The following FSTL5 variants were observed in gnomAD, a reference collection of about 807,000 sequenced individuals.
The protein encoded by FSTL5 is follistatin-related protein 5.
In FSTL5, 62 loss-of-function variants were observed where a neutral mutation model predicts 89.1. The observed-to-expected ratio is 0.70, with a 90% CI of 0.57 to 0.86. The LOEUF is 0.86. FSTL5 is among the 40% of genes least tolerant of loss of function. The probability of loss-of-function intolerance (pLI) is 0.00; values close to 1 mark genes in which losing one functional copy is unlikely to be tolerated. For missense variants in FSTL5, 1,057 were observed against 1,001.6 expected, an observed-to-expected ratio of 1.06 and a Z score of -0.75; for synonymous variants, 383 against 346.2, an observed-to-expected ratio of 1.11 and a Z score of -1.18.
chr4:161,528,888 G>A lies in FSTL5; in HGVS notation c.1312+9278C>T, dbSNP rs578141981. ...CATATTTTTAAGTTCAATAGAGACT[G>A]TATACTCAGCACTGTCACTATATGT... On this transcript the variant is annotated intron_variant, in intron 10 of 15. Coordinates refer to ENST00000306100, the MANE Select transcript of FSTL5 (RefSeq NM_020116.5). 5.6e-5 allele frequency among the ~76,000 whole-genome samples: 8 copies of A among 142,952 alleles called. 3 individuals carry two copies. Among genetic ancestry groups the A allele is most frequent in the African/African-American group, 2.0e-4 (8 of 40,036 alleles). 93.8% of individuals were successfully genotyped at this position (142,952 alleles called of 152,430 possible).
intron 3 of FSTL5, among the ~76,000 whole-genome samples, chr4:162,017,900 T>A (rs187782139): frequency 5.6e-4 from 86 of 152,264 alleles, no homozygotes; most frequent in African/African-American, 1.9e-3. Context: ...GTCCAACTCA[T>A]TATACCTTCT....
intron 3 of FSTL5, among the ~76,000 whole-genome samples, chr4:161,959,332 G>A (rs1735110092): frequency 6.6e-6 from 1 of 151,900 alleles, no homozygotes; most frequent in African/African-American, 2.4e-5. Flanking sequence ...CTTAACATAG[G>A]TATAACATGC....
chr4:161,562,137 A>G (rs1732627619), intron 8 of FSTL5, among the ~76,000 whole-genome samples: 1 of 151,902 alleles, frequency 6.6e-6, no homozygotes, highest in Non-Finnish European at 1.5e-5. Context: ...GCTCTTCCCC[A>G]CTGGACGTTC....
At chr4:161,656,258 G>C in intron 7 of FSTL5, 70 bp downstream of exon 7, 1 of 765,962 alleles carries the variant, frequency 1.3e-6, no homozygotes, top group Non-Finnish European at 1.9e-6. Context: ...AAGCTCCCCT[G>C]ACATCACAAA....
intron 4 of FSTL5, among the ~76,000 whole-genome samples, chr4:161,890,494 C>T (rs1325719082): frequency 6.6e-6 from 1 of 151,924 alleles, no homozygotes; most frequent in African/African-American, 2.4e-5. Context: ...TTGAGACCAG[C>T]CTGGCCAACA....
chr4:161,938,486 C>A (rs919730278), intron 3 of FSTL5, among the ~76,000 whole-genome samples: 2 of 151,742 alleles, frequency 1.3e-5, no homozygotes, highest in Admixed American at 6.6e-5. Context: ...TTTTAAAATA[C>A]CATAAATTGG....
intron 10 of FSTL5, among the ~76,000 whole-genome samples, chr4:161,523,558 G>A (rs1731105046): frequency 6.6e-6 from 1 of 152,170 alleles, no homozygotes; most frequent in South Asian, 2.1e-4. Context: ...ATTCCTGGAA[G>A]TTCACATAGG....
intron 13 of FSTL5, among the ~76,000 whole-genome samples, chr4:161,462,124 C>A (rs12648705): frequency 0.13 from 20,149 of 152,184 alleles, 1,592 homozygotes; most frequent in Non-Finnish European, 0.19. Flanking sequence ...GTTAGGCTAA[C>A]ACCTACATTT....
chr4:161,951,539 T>C (rs1734895325), intron 3 of FSTL5, among the ~76,000 whole-genome samples: 1 of 152,178 alleles, frequency 6.6e-6, no homozygotes, highest in Non-Finnish European at 1.5e-5. Context: ...AAAAGTACTA[T>C]TATTTGCAAC....
chr4:161,396,470 C>G (rs1731002788), intron 15 of FSTL5, among the ~76,000 whole-genome samples: 1 of 146,922 alleles, frequency 6.8e-6, no homozygotes, highest in South Asian at 2.2e-4. Context: ...GGTGAAACTC[C>G]ATCTCTACTA....
intron 10 of FSTL5, among the ~76,000 whole-genome samples, chr4:161,518,238 C>T (rs1403908803): frequency 2.0e-5 from 3 of 152,106 alleles, no homozygotes; most frequent in African/African-American, 7.2e-5. Context: ...CAGAAATTAG[C>T]CAGAAAACTG....
chr4:162,059,941 A>G (rs191156364), intron 2 of FSTL5, among the ~76,000 whole-genome samples: 21 of 152,284 alleles, frequency 1.4e-4, no homozygotes, highest in Admixed American at 5.9e-4. Context: ...TCACCAGGGA[A>G]CTTGTTAAAC....
intron 6 of FSTL5, among the ~76,000 whole-genome samples, chr4:161,758,087 T>C (rs189888775): frequency 6.6e-6 from 1 of 152,194 alleles, no homozygotes; most frequent in Non-Finnish European, 1.5e-5. Flanking sequence ...ATTTAAAAAT[T>C]TATAAGCTAC....
chr4:162,006,848 A>G (rs1736630321), intron 3 of FSTL5, among the ~76,000 whole-genome samples: 3 of 151,992 alleles, frequency 2.0e-5, no homozygotes, highest in African/African-American at 7.2e-5. Context: ...GAATATTTGC[A>G]AAAACAATGA....
intron 6 of FSTL5, among the ~76,000 whole-genome samples, chr4:161,700,607 G>T (rs1738355684): frequency 6.6e-6 from 1 of 151,878 alleles, no homozygotes; most frequent in Non-Finnish European, 1.5e-5. Context: ...GAATTCCTAG[G>T]TTCAAGCAAT....
intron 1 of FSTL5, among the ~76,000 whole-genome samples, chr4:162,134,398 G>A (rs1376683105): frequency 6.6e-6 from 1 of 152,084 alleles, no homozygotes; most frequent in Non-Finnish European, 1.5e-5. Flanking sequence ...GCATATTAAT[G>A]TGTAATTGGT....
At chr4:161,549,420 G>A (rs1311377691) in intron 8 of FSTL5, among the ~76,000 whole-genome samples, 1 of 151,774 alleles carries the variant, frequency 6.6e-6, no homozygotes, top group Non-Finnish European at 1.5e-5. Context: ...TTTGAGAGAA[G>A]AGGTTTTGCC....
intron 3 of FSTL5, 137 bp downstream of exon 3, chr4:162,033,488 G>A: frequency 1.8e-6 from 1 of 554,724 alleles, no homozygotes; most frequent in Non-Finnish European, 3.2e-6. Context: ...GCTCAAAATG[G>A]CTGTAAAATC....
intron 6 of FSTL5, among the ~76,000 whole-genome samples, chr4:161,691,023 G>A (rs1483544736): frequency 1.3e-5 from 2 of 152,094 alleles, no homozygotes; most frequent in East Asian, 3.9e-4. Flanking sequence ...TGGTGTTTAT[G>A]TACCACATTT....
Sources: gnomAD v4.1 joint callset for allele counts (sites outside exome capture counted in the v4.1 genomes callset) on GRCh38, gnomAD v4.1.1 for gene constraint, MANE v1.5 for transcripts, NCBI Gene and HGNC (gene_info 2026-07-23, HGNC 2026-07-21) for gene names.